Variants in MCTP1 observed in about 807,000 individuals in gnomAD.
The protein encoded by MCTP1 is multiple C2 and transmembrane domain containing 1.
Under a neutral mutation model 120.6 loss-of-function variants are expected in MCTP1, and 69 were observed. That is an observed-to-expected ratio of 0.57 (90% CI 0.47 to 0.70). The LOEUF (loss-of-function observed/expected upper bound fraction) is 0.70, where lower values mean the gene tolerates loss of function less well. Ranked by LOEUF, MCTP1 falls within the 30% of genes least tolerant of loss-of-function variation. The pLI is 0.00. For synonymous variants in MCTP1, 529 were observed against 493.1 expected (o/e 1.07, Z -0.96); for missense variants, 1,203 against 1,248.8 (o/e 0.96, Z 0.55).
rs56354602 is a variant in MCTP1, at chr5:95,120,176, C to CAAAAA, written c.721-102697_721-102693dup. ...TGGGCGACAGAGCAAGACTCCATCT[C>CAAAAA]AAAAAAAAAAAAAAAAAGTCTCCCA... is the stretch of plus-strand genomic sequence containing the variant. On this transcript the variant is annotated intron_variant, in intron 1 of 22. Transcript: ENST00000515393. 1.0e-4 allele frequency among the ~76,000 whole-genome samples: 12 copies of CAAAAA among 118,182 alleles called. 1 individual carries two copies. Among genetic ancestry groups the CAAAAA allele is most frequent in the Non-Finnish European group, 1.0e-4 (6 of 59,678 alleles). 77.5% of individuals were successfully genotyped at this position (118,182 alleles called of 152,430 possible).
intron 1 of MCTP1, among the ~76,000 whole-genome samples, chr5:95,035,109 TA>T (rs1336300276): frequency 6.6e-6 from 1 of 152,044 alleles, no homozygotes; most frequent in Admixed American, 6.6e-5. Context: ...GGAACACTCA[TA>T]CACTGTTGGT....
At chr5:94,991,623 C>T (rs1294658613) in intron 2 of MCTP1, among the ~76,000 whole-genome samples, 4 of 152,088 alleles carry the variant, frequency 2.6e-5, no homozygotes, top group Admixed American at 2.6e-4. Context: ...CCTGTAATCC[C>T]AGCACTTTGG....
chr5:95,121,572 A>G (rs1251690213), intron 1 of MCTP1, among the ~76,000 whole-genome samples: 5 of 152,002 alleles, frequency 3.3e-5, no homozygotes, highest in Admixed American at 6.6e-5. Context: ...GTCCATACCA[A>G]CCAAAGCAAT....
intron 12 of MCTP1, among the ~76,000 whole-genome samples, chr5:94,883,332 T>C (rs1561799640): frequency 6.6e-6 from 1 of 152,184 alleles, no homozygotes; most frequent in African/African-American, 2.4e-5. Flanking sequence ...AAAAGTCTTC[T>C]ATGAGCATAA....
At chr5:95,161,843 C>T (rs1047253738) in intron 1 of MCTP1, among the ~76,000 whole-genome samples, 6 of 152,140 alleles carry the variant, frequency 3.9e-5, no homozygotes, top group African/African-American at 1.4e-4. Flanking sequence ...GGTTGCACAG[C>T]CTGTGCTCTG....
chr5:95,081,700 A>G (rs1361653883), intron 1 of MCTP1: 3 of 1,288,962 alleles, frequency 2.3e-6, no homozygotes, highest in South Asian at 5.3e-5. Context: ...TTCACAGGAT[A>G]TGACTCAACT....
chr5:95,151,720 G>T (rs1760912527), intron 1 of MCTP1, among the ~76,000 whole-genome samples: 1 of 152,080 alleles, frequency 6.6e-6, no homozygotes, highest in African/African-American at 2.4e-5. Flanking sequence ...ATTAAGATTA[G>T]GAGATCCTAC....
chr5:95,256,759 T>C (rs1219834669), intron 1 of MCTP1, among the ~76,000 whole-genome samples: 1 of 152,174 alleles, frequency 6.6e-6, no homozygotes, highest in Non-Finnish European at 1.5e-5. Flanking sequence ...CCTGGCTTAG[T>C]TGCAGGGAGT....
rs78532063 is a variant in MCTP1 at position 95,186,083 on chromosome 5, C to T, written c.720+97773G>A. Among the ~76,000 whole-genome samples the T allele has an allele frequency of 5.0e-3, 763 of 151,574 alleles. 27 individuals are homozygous for T. The East Asian group carries it at 0.099, about 20-fold the overall frequency. On this transcript the variant is annotated intron_variant, in intron 1 of 22. Transcript: ENST00000515393. ...CTGCACTCCAGCCTGGGTGATGGAG[C>T]GATACTCTGTCTCAAAATAAATACA...
At chr5:95,178,815 A>G (rs556199855) in intron 1 of MCTP1, among the ~76,000 whole-genome samples, 3 of 152,352 alleles carry the variant, frequency 2.0e-5, no homozygotes, top group Admixed American at 6.5e-5. Flanking sequence ...TAATGGATCC[A>G]AACCAAGACA....
At chr5:95,002,696 T>A (rs1472390304) in intron 2 of MCTP1, among the ~76,000 whole-genome samples, 1 of 152,246 alleles carries the variant, frequency 6.6e-6, no homozygotes, top group Non-Finnish European at 1.5e-5. Flanking sequence ...ACTAACTTGC[T>A]TTTGATTTTA....
At chr5:95,219,544 C>T (rs749518976) in intron 1 of MCTP1, among the ~76,000 whole-genome samples, 13 of 152,052 alleles carry the variant, frequency 8.5e-5, no homozygotes, top group South Asian at 2.1e-4. Context: ...GCATTCTAAT[C>T]GCCCTGGACT....
intron 17 of MCTP1, among the ~76,000 whole-genome samples, chr5:94,812,161 G>A (rs13359541): frequency 0.11 from 16,204 of 152,156 alleles, 1,031 homozygotes; most frequent in African/African-American, 0.16. Flanking sequence ...TTAAACAAAA[G>A]GGGATATTAA....
Position 95,129,881 on chromosome 5 carries a change from G to C in MCTP1, c.721-112397C>G, listed in dbSNP as rs977661739. Among the ~76,000 whole-genome samples, 3 of 152,002 alleles carry C rather than the reference G, an allele frequency of 2.0e-5. No homozygotes were observed. In the East Asian group the frequency reaches 5.8e-4, roughly 29 times the overall value. ...TCGCTGTGTTGGCCAGACTGGTCTC[G>C]AACTCCTGACCTCAGGCGATCCACC... On this transcript the variant is annotated intron_variant, in intron 1 of 22. Transcript: ENST00000515393.
At chr5:94,787,622 G>GTT (rs11432604) in intron 18 of MCTP1, among the ~76,000 whole-genome samples, 2,212 of 141,402 alleles carry the variant, frequency 0.016, 81 homozygotes, top group African/African-American at 0.052. Flanking sequence ...GTTTTTTTTT[G>GTT]TTTTTTTTTT....
chr5:95,034,843 G>A (rs537421329), intron 1 of MCTP1, among the ~76,000 whole-genome samples: 1 of 152,068 alleles, frequency 6.6e-6, no homozygotes, highest in Admixed American at 6.6e-5. Flanking sequence ...CTAATATCCA[G>A]AATCTATAAG....
intron 1 of MCTP1, among the ~76,000 whole-genome samples, chr5:95,247,244 G>A (rs426367): frequency 6.6e-6 from 1 of 151,670 alleles, no homozygotes; most frequent in African/African-American, 2.4e-5. Context: ...GATGTCCCCT[G>A]TATCATTTTT....
In MCTP1 at chr5:95,203,235, C is replaced by T. The variant is rs1235108415; in HGVS notation, c.720+80621G>A. ...TAAATATTTTGAACGTTACTTCCAA[C>T]TGGATTTATGCTTTGGGTCCTTAAA... On this transcript the variant is annotated intron_variant, in intron 1 of 22. Coordinates refer to ENST00000515393, the MANE Select transcript of MCTP1 (RefSeq NM_024717.7). Among the ~76,000 whole-genome samples the T allele has an allele frequency of 3.9e-5, 6 of 152,322 alleles. No homozygotes were observed. The East Asian group carries it at 1.2e-3, about 29-fold the overall frequency.
intron 1 of MCTP1, among the ~76,000 whole-genome samples, chr5:95,208,979 T>G (rs1429020807): frequency 1.3e-5 from 2 of 152,174 alleles, no homozygotes; most frequent in African/African-American, 4.8e-5. Flanking sequence ...GCCTTTCTTC[T>G]CCTGCAATTG....
Sources: gnomAD v4.1 joint callset for allele counts (sites outside exome capture counted in the v4.1 genomes callset) on GRCh38, gnomAD v4.1.1 for gene constraint, MANE v1.5 for transcripts, NCBI Gene and HGNC (gene_info 2026-07-23, HGNC 2026-07-21) for gene names.